The following ANKS3 variants were observed in gnomAD, a reference collection of about 807,000 sequenced individuals.
ANKS3 encodes the protein ankyrin repeat and sterile alpha motif domain containing 3.
A neutral mutation model predicts 80.7 loss-of-function variants in ANKS3; 62 were observed. The ratio of observed to expected loss-of-function variants is 0.77; its 90% CI spans 0.63 to 0.95. The LOEUF is 0.95. Ranked by LOEUF, ANKS3 falls within the 40% of genes least tolerant of loss-of-function variation. The pLI is 0.00. For synonymous variants in ANKS3, 489 were observed against 355.3 expected (o/e 1.38, Z -4.23); for missense variants, 1,150 against 883.6 (o/e 1.30, Z -3.82).
chr16:4,716,780 G>A (rs1436995140), intron 6 of ANKS3, among the ~76,000 whole-genome samples: 1 of 151,894 alleles, frequency 6.6e-6, no homozygotes, highest in African/African-American at 2.4e-5. Context: ...GCCAGGTGTG[G>A]TGGTGCGTGC....
At chr16:4,711,318 G>C (rs1215693291) in intron 7 of ANKS3, among the ~76,000 whole-genome samples, 1 of 151,094 alleles carries the variant, frequency 6.6e-6, no homozygotes. Flanking sequence ...GATCAGGCTG[G>C]TCTCGAACTC....
intron 7 of ANKS3, among the ~76,000 whole-genome samples, chr16:4,707,277 G>A (rs1433175953): frequency 2.1e-5 from 3 of 140,644 alleles, no homozygotes; most frequent in African/African-American, 7.7e-5. Flanking sequence ...GACACGGAAG[G>A]ACACTTTTTT....
At chr16:4,726,914 G>A (rs761169113) in intron 4 of ANKS3, 65 bp downstream of exon 4, 120 of 1,607,634 alleles carry the variant, frequency 7.5e-5, no homozygotes, top group Non-Finnish European at 9.2e-5. Context: ...GCAGTGGTTC[G>A]CATCTCTGTC....
intron 7 of ANKS3, among the ~76,000 whole-genome samples, chr16:4,708,001 A>G (rs1236784360): frequency 2.6e-5 from 4 of 152,054 alleles, no homozygotes; most frequent in African/African-American, 7.2e-5. Flanking sequence ...TGGAATCCCA[A>G]CTACTCGGGA....
chr16:4,698,092 G>A (rs1468623635), intron 14 of ANKS3, 30 bp from the exon 15 acceptor site: 3 of 1,576,304 alleles, frequency 1.9e-6, no homozygotes, highest in South Asian at 2.3e-5. Context: ...ATATTGGTGA[G>A]AGCAGAGGCC....
rs771440887 is a variant in ANKS3, at chr16:4,705,271, G to C, written c.710-18C>G. On this transcript the variant is annotated intron_variant, in intron 7 of 17. Coordinates refer to ENST00000304283, the MANE Select transcript of ANKS3 (RefSeq NM_133450.4). ...GTACTTTTCTGTGATCAAACACCAA[G>C]ATTAAGATAGTGTGTTCAGTAATGG... The C allele has an allele frequency of 2.7e-5, 43 of 1,612,848 alleles. No homozygotes were observed. Among genetic ancestry groups the C allele is most frequent in the Non-Finnish European group, 3.6e-5 (43 of 1,179,506 alleles).
At chr16:4,720,488 T>C (rs1336297421) in intron 6 of ANKS3, among the ~76,000 whole-genome samples, 1 of 147,424 alleles carries the variant, frequency 6.8e-6, no homozygotes, top group East Asian at 2.0e-4. Flanking sequence ...TCTAACACCC[T>C]AAGGGGAGGG....
At chr16:4,730,759 G>A (rs2081572659) in intron 2 of ANKS3, among the ~76,000 whole-genome samples, 2 of 152,066 alleles carry the variant, frequency 1.3e-5, no homozygotes, top group Admixed American at 1.3e-4. Context: ...GGCTGAGGTA[G>A]GAGCATCACT....
At chr16:4,710,209 G>A (rs1003845606) in intron 7 of ANKS3, among the ~76,000 whole-genome samples, 4 of 152,134 alleles carry the variant, frequency 2.6e-5, no homozygotes, top group African/African-American at 9.7e-5. Flanking sequence ...ACAGTAGAGT[G>A]ACTATACGGA....
Position 4,732,889 on chromosome 16 carries a change from T to TA in ANKS3, c.-71+1048dup, listed in dbSNP as rs2081723961. On this transcript the variant is annotated intron_variant, in intron 1 of 17. Transcript: ENST00000304283. ...GACACAATGGAGTACTATTCAGCCA[T>TA]AAAAAAAGAATGAGATCCTATCATT... is the stretch of plus-strand genomic sequence containing the variant. Among the ~76,000 whole-genome samples the TA allele has an allele frequency of 2.6e-5, 4 of 151,964 alleles. No individual in the cohort carries two copies. In the South Asian group the frequency reaches 8.3e-4, roughly 32 times the overall value.
At position 4,724,886 on chromosome 16, in the gene ANKS3, A is replaced by G. The variant is rs2081278720; in HGVS notation, c.492-55T>C. On this transcript the variant is annotated intron_variant, in intron 5 of 17. Coordinates refer to ENST00000304283, the MANE Select transcript of ANKS3 (RefSeq NM_133450.4). Reference sequence around the variant, plus strand: ...TGGAAGAGACAAGTTCCGCCAGGCAAAAACTCCCTGCTGAAGATAAACCCT... The same window carrying G: ...TGGAAGAGACAAGTTCCGCCAGGCAGAAACTCCCTGCTGAAGATAAACCCT... 1.9e-6 allele frequency: 3 copies of G among 1,539,170 alleles called. No individual in the cohort carries two copies. The East Asian group carries it at 6.8e-5, about 35-fold the overall frequency.
At chr16:4,726,521 G>T in intron 5 of ANKS3, 138 bp downstream of exon 5, 1 of 836,814 alleles carries the variant, frequency 1.2e-6, no homozygotes, top group Non-Finnish European at 1.9e-6. Context: ...GAAGGACTCT[G>T]GTCCTACCCC....
At chr16:4,704,099 G>A (rs940435261) in intron 8 of ANKS3, among the ~76,000 whole-genome samples, 15 of 152,220 alleles carry the variant, frequency 9.9e-5, no homozygotes, top group African/African-American at 3.4e-4. Flanking sequence ...CCCTCATGCT[G>A]TGGTGGGGCT....
intron 10 of ANKS3, 121 bp from the exon 11 acceptor site, chr16:4,701,255 G>A: frequency 6.7e-7 from 1 of 1,496,846 alleles, no homozygotes; most frequent in Non-Finnish European, 9.1e-7. Flanking sequence ...GCCACACAGG[G>A]GCTTCCGGTG....
intron 1 of ANKS3, among the ~76,000 whole-genome samples, chr16:4,733,132 G>C (rs1050633115): frequency 8.0e-6 from 1 of 124,734 alleles, no homozygotes; most frequent in African/African-American, 3.1e-5. Flanking sequence ...AAAAAAAACA[G>C]AATGAATAAG....
intron 3 of ANKS3, among the ~76,000 whole-genome samples, chr16:4,728,771 A>G (rs1271156606): frequency 1.3e-5 from 2 of 152,166 alleles, no homozygotes; most frequent in Non-Finnish European, 2.9e-5. Context: ...CCAAAGACTT[A>G]AGAGCCTGAG....
In ANKS3 at chr16:4,726,913, C is replaced by T. The variant is rs866012763; in HGVS notation, c.369+66G>A. On this transcript the variant is annotated intron_variant, in intron 4 of 17. Coordinates refer to ENST00000304283, the MANE Select transcript of ANKS3 (RefSeq NM_133450.4). ...ACGAACACCGTGGCCTGCAGTGGTT[C>T]GCATCTCTGTCAGGGTGGCCACGGA... The T allele has an allele frequency of 3.4e-5, 54 of 1,607,322 alleles. 1 individual carries two copies. Among genetic ancestry groups the T allele is most frequent in the Non-Finnish European group, 5.1e-6 (6 of 1,176,852 alleles).
chr16:4,730,853 A>C (rs1278580513), intron 2 of ANKS3, among the ~76,000 whole-genome samples: 1 of 151,936 alleles, frequency 6.6e-6, no homozygotes, highest in Non-Finnish European at 1.5e-5. Context: ...CTTTGTCTCC[A>C]AAAACAAAAC....
chr16:4,702,263 A>G, intron 8 of ANKS3, 21 bp from the exon 9 acceptor site: 1 of 1,495,650 alleles, frequency 6.7e-7, no homozygotes, highest in Non-Finnish European at 8.9e-7. Context: ...AATGGGGCCC[A>G]TAAGCCCAGG....
Sources: gnomAD v4.1 joint callset for allele counts (sites outside exome capture counted in the v4.1 genomes callset) on GRCh38, gnomAD v4.1.1 for gene constraint, MANE v1.5 for transcripts, NCBI Gene and HGNC (gene_info 2026-07-23, HGNC 2026-07-21) for gene names.